The following FAF1 variants were observed in gnomAD, a reference collection of about 807,000 sequenced individuals.
FAF1 encodes the protein Fas associated factor 1, also known as FAS-associated factor 1.
FAF1 carries 25 observed loss-of-function variants against 92.5 expected under a neutral mutation model. The observed-to-expected ratio is 0.27, with a 90% confidence interval of 0.20 to 0.38. The LOEUF (loss-of-function observed/expected upper bound fraction) is 0.38, where lower values mean the gene tolerates loss of function less well. Ranked by LOEUF, FAF1 falls within the 10% of genes least tolerant of loss-of-function variation. The pLI is 1.00. For missense variants in FAF1, 636 were observed against 793.3 expected (o/e 0.80, Z 2.38); for synonymous variants, 234 against 273.2 (o/e 0.86, Z 1.42).
intron 4 of FAF1, among the ~76,000 whole-genome samples, chr1:50,765,001 C>T (rs910729314): frequency 1.2e-4 from 18 of 152,174 alleles, no homozygotes; most frequent in Middle Eastern, 3.2e-3. Context: ...ATCATTTCAC[C>T]TAACAATTTA....
At chr1:50,556,137 C>G (rs1649565964) in intron 13 of FAF1, among the ~76,000 whole-genome samples, 2 of 149,356 alleles carry the variant, frequency 1.3e-5, no homozygotes. Context: ...ACTCGGGAGG[C>G]TGAGGCAGGA....
At chr1:50,589,528 G>A (rs1258535264) in intron 9 of FAF1, among the ~76,000 whole-genome samples, 1 of 152,116 alleles carries the variant, frequency 6.6e-6, no homozygotes. Flanking sequence ...TTTTAACTGG[G>A]TTGTTATATT....
At chr1:50,567,859 A>C (rs1399691024) in intron 12 of FAF1, among the ~76,000 whole-genome samples, 5 of 152,094 alleles carry the variant, frequency 3.3e-5, no homozygotes. Context: ...CATTCTTTCT[A>C]GTTTATATTT....
intron 7 of FAF1, among the ~76,000 whole-genome samples, chr1:50,687,149 T>C (rs1656699931): frequency 6.6e-6 from 1 of 152,072 alleles, no homozygotes; most frequent in South Asian, 2.1e-4. Flanking sequence ...CATTTTTATA[T>C]TTTACCCAAG....
intron 7 of FAF1, among the ~76,000 whole-genome samples, chr1:50,659,033 T>C (rs1167290513): frequency 6.6e-6 from 1 of 152,058 alleles, no homozygotes; most frequent in Non-Finnish European, 1.5e-5. Flanking sequence ...AATAAAAAAT[T>C]GAAATCATAA....
intron 3 of FAF1, among the ~76,000 whole-genome samples, chr1:50,800,494 A>G (rs1661946104): frequency 6.6e-6 from 1 of 152,222 alleles, no homozygotes; most frequent in Non-Finnish European, 1.5e-5. Flanking sequence ...ACAACAAACT[A>G]AAGATTAAAC....
At chr1:50,634,229 C>G (rs190454505) in intron 8 of FAF1, among the ~76,000 whole-genome samples, 1 of 151,922 alleles carries the variant, frequency 6.6e-6, no homozygotes, top group Admixed American at 6.6e-5. Flanking sequence ...GTAAGCACCC[C>G]TCTATTTTTG....
intron 10 of FAF1, 102 bp downstream of exon 10, chr1:50,584,583 C>G: frequency 8.8e-7 from 1 of 1,138,718 alleles, no homozygotes; most frequent in Non-Finnish European, 1.2e-6. Context: ...TCTCCTCAAA[C>G]CTGGAGGTCA....
intron 6 of FAF1, among the ~76,000 whole-genome samples, chr1:50,726,046 A>G (rs1658636294): frequency 6.6e-6 from 1 of 151,984 alleles, no homozygotes; most frequent in Non-Finnish European, 1.5e-5. Context: ...CTAGGTCAAG[A>G]GTTCGAGACC....
chr1:50,499,526 A>G (rs1646955216), intron 15 of FAF1, among the ~76,000 whole-genome samples: 1 of 152,054 alleles, frequency 6.6e-6, no homozygotes, highest in Non-Finnish European at 1.5e-5. Flanking sequence ...ACACTGACTG[A>G]TTTTCAAATC....
At chr1:50,585,841 TA>T (rs1384790985) in intron 9 of FAF1, among the ~76,000 whole-genome samples, 1 of 127,712 alleles carries the variant, frequency 7.8e-6, no homozygotes, top group Non-Finnish European at 1.6e-5. Flanking sequence ...ATAAGACTCA[TA>T]ATTAGCCTGG....
At chr1:50,913,612 A>G (rs1644901062) in intron 1 of FAF1, among the ~76,000 whole-genome samples, 4 of 152,234 alleles carry the variant, frequency 2.6e-5, no homozygotes, top group Non-Finnish European at 5.9e-5. Flanking sequence ...GCAGATAATT[A>G]TCAATCAAAA....
chr1:50,894,012 A>G (rs572282176), intron 1 of FAF1, among the ~76,000 whole-genome samples: 1 of 152,204 alleles, frequency 6.6e-6, no homozygotes, highest in South Asian at 2.1e-4. Flanking sequence ...GGCTACTGCC[A>G]ATGTTCTCTT....
At chr1:50,660,607 C>A (rs1655330642) in intron 7 of FAF1, among the ~76,000 whole-genome samples, 2 of 152,054 alleles carry the variant, frequency 1.3e-5, no homozygotes, top group Non-Finnish European at 2.9e-5. Flanking sequence ...GATTCTCCTG[C>A]CTCAGCCTCC....
intron 1 of FAF1, among the ~76,000 whole-genome samples, chr1:50,897,286 C>G (rs545392852): frequency 1.3e-5 from 2 of 152,330 alleles, no homozygotes; most frequent in South Asian, 4.1e-4. Context: ...CAAACTTTCA[C>G]CATTTAATAC....
At chr1:50,480,521 T>C (rs1646688520) in intron 17 of FAF1, among the ~76,000 whole-genome samples, 1 of 152,198 alleles carries the variant, frequency 6.6e-6, no homozygotes, top group Non-Finnish European at 1.5e-5. Context: ...GAGTCAGGCA[T>C]TGTTCTAAAT....
At chr1:50,551,261 C>T (rs1649298644) in intron 13 of FAF1, among the ~76,000 whole-genome samples, 1 of 151,946 alleles carries the variant, frequency 6.6e-6, no homozygotes, top group Non-Finnish European at 1.5e-5. Context: ...ATAAGAGGAG[C>T]AAGAATGTTT....
intron 18 of FAF1, among the ~76,000 whole-genome samples, chr1:50,460,765 G>A (rs978989005): frequency 6.7e-6 from 1 of 149,094 alleles, no homozygotes; most frequent in African/African-American, 2.5e-5. Flanking sequence ...TCAAGTATCT[G>A]GAACTACAGG....
intron 2 of FAF1, among the ~76,000 whole-genome samples, chr1:50,825,022 TTTCTAGTA>T (rs1644082886): frequency 6.6e-6 from 1 of 152,088 alleles, no homozygotes; most frequent in East Asian, 1.9e-4. Context: ...GAAGCAGTAA[TTTCTAGTA>T]TTCAATAACA....
Sources: allele counts gnomAD v4.1 joint callset (sites outside exome capture counted in the v4.1 genomes callset), GRCh38; gene constraint gnomAD v4.1.1; transcripts MANE v1.5; gene names NCBI Gene and HGNC (gene_info 2026-07-23, HGNC 2026-07-21).